GFM2: variants seen among roughly 807,000 people sequenced by gnomAD.
GFM2 encodes the protein GTP dependent ribosome recycling factor mitochondrial 2, also known as ribosome-releasing factor 2, mitochondrial.
Under a neutral mutation model 95.4 loss-of-function variants are expected in GFM2, and 72 were observed. The ratio of observed to expected loss-of-function variants is 0.76; its 90% CI spans 0.62 to 0.92. GFM2 has a LOEUF of 0.92. Ranked by LOEUF, GFM2 falls within the 40% of genes least tolerant of loss-of-function variation. GFM2 has a pLI of 0.00. For synonymous variants in GFM2, 276 were observed against 317.5 expected (o/e 0.87, Z 1.39); for missense variants, 825 against 924.1 (o/e 0.89, Z 1.39).
At chr5:74,734,273 TTAG>T (rs544309864) in intron 15 of GFM2, among the ~76,000 whole-genome samples, 10 of 152,078 alleles carry the variant, frequency 6.6e-5, no homozygotes, top group Non-Finnish European at 1.5e-4. Flanking sequence ...ATTGTAAATA[TTAG>T]TAATTTTAAT....
At chr5:74,758,766 T>C (rs1744122754) in intron 5 of GFM2, 83 bp downstream of exon 5, 2 of 805,930 alleles carry the variant, frequency 2.5e-6, no homozygotes, top group East Asian at 2.5e-5. Flanking sequence ...ATTCAAGGTG[T>C]GTAAGTTGAC....
intron 5 of GFM2, among the ~76,000 whole-genome samples, chr5:74,753,017 C>A (rs549153385): frequency 6.6e-6 from 1 of 152,164 alleles, no homozygotes; most frequent in Admixed American, 6.5e-5. Context: ...TCCCCCCCAC[C>A]AAAAATCACA....
chr5:74,737,512 C>T (rs921881311), intron 14 of GFM2, among the ~76,000 whole-genome samples: 9 of 152,120 alleles, frequency 5.9e-5, no homozygotes, highest in Non-Finnish European at 1.3e-4. Flanking sequence ...TCTGTAAAAA[C>T]AATCCTACTG....
Position 74,738,536 on chromosome 5 carries a change from G to A in GFM2, c.1186C>T (p.Gln396Ter). The change falls in exon 13 of 21, where the codon CAG becomes TAG. Residue 396 changes from glutamine (Q) to a stop codon, truncating the protein, a stop_gained. Coordinates refer to ENST00000296805, the MANE Select transcript of GFM2 (RefSeq NM_032380.5). LOFTEE classifies it high-confidence loss of function. Reference sequence around the variant, plus strand: ...CCATTAATATTATGAATGGCCAACTGGGGTTTTATAGTGCCTGAGTAAATG... The same window carrying A: ...CCATTAATATTATGAATGGCCAACTAGGGTTTTATAGTGCCTGAGTAAATG... The part of the protein sequence containing the change: ...MRIYSGTIKP[Q>*]LAIHNINGNC... 2 of 1,613,420 alleles carry A rather than the reference G, an allele frequency of 1.2e-6. No homozygotes were observed. Among genetic ancestry groups the A allele is most frequent in the Non-Finnish European group, 1.7e-6 (2 of 1,179,668 alleles).
intron 5 of GFM2, among the ~76,000 whole-genome samples, chr5:74,752,734 C>T (rs1450489246): frequency 6.6e-6 from 1 of 152,148 alleles, no homozygotes; most frequent in Non-Finnish European, 1.5e-5. Flanking sequence ...AGTTCTACAA[C>T]AACCTGGATA....
At chr5:74,738,458 A>G in intron 13 of GFM2, 41 bp from the exon 14 acceptor site, 1 of 1,610,648 alleles carries the variant, frequency 6.2e-7, no homozygotes, top group Admixed American at 1.7e-5. Flanking sequence ...GTATTTTTAA[A>G]GAAGTGCATA....
chr5:74,722,444 G>C lies in GFM2; in HGVS notation c.2146C>G (p.Gln716Glu), dbSNP rs763774517. The C allele has an allele frequency of 5.8e-5, 93 of 1,613,908 alleles. No homozygotes were observed. Among genetic ancestry groups the C allele is most frequent in the Non-Finnish European group, 7.0e-5 (83 of 1,179,950 alleles). Reference sequence around the variant, plus strand: ...TTGTCCTGGCGAGTCTGAATTTCCTGAATGTTTCCTCTTCTTTGTGCCAGA... The same window carrying C: ...TTGTCCTGGCGAGTCTGAATTTCCTCAATGTTTCCTCTTCTTTGTGCCAGA... ...ADLAQRRGNI[Q>E]EIQTRQDNKV... is the part of the protein sequence containing the mutation. The change falls in exon 20 of 21, where the codon CAG becomes GAG. Residue 716 changes from glutamine (Q) to glutamate (E), a missense_variant. Gln to Glu is a conservative substitution (Grantham distance 29). Transcript: ENST00000296805.
chr5:74,749,848 T>A (rs1235800941), intron 7 of GFM2, among the ~76,000 whole-genome samples: 2 of 152,208 alleles, frequency 1.3e-5, no homozygotes, highest in African/African-American at 4.8e-5. Context: ...ATGCTTCTTA[T>A]GTCCTCTAAG....
chr5:74,736,576 A>C (rs1443281327), intron 15 of GFM2: 2 of 1,393,906 alleles, frequency 1.4e-6, no homozygotes, highest in Non-Finnish European at 1.9e-6. Flanking sequence ...GGAAGAATAT[A>C]ATATGAGAAG....
chr5:74,746,201 G>A, intron 8 of GFM2, 36 bp from the exon 9 acceptor site: 2 of 1,204,624 alleles, frequency 1.7e-6, no homozygotes, highest in South Asian at 2.2e-5. Flanking sequence ...TAAAAACATG[G>A]TTAAAAATTC....
chr5:74,726,022 A>G lies in GFM2; in HGVS notation c.1831T>C (p.Tyr611His). The change falls in exon 18 of 21, where the codon TAT becomes CAT. Residue 611 changes from tyrosine to histidine, a missense_variant. Tyr to His is a moderately conservative substitution (Grantham distance 83). Coordinates refer to ENST00000296805, the MANE Select transcript of GFM2 (RefSeq NM_032380.5). ...SSVMPVIEFEYAESINEGLLK... is the reference protein window; with the variant it reads ...SSVMPVIEFEHAESINEGLLK... The stretch of plus-strand genomic sequence containing the variant: ...AGGCCTTCATTGATACTTTCAGCAT[A>G]CTCAAACTCAATCACAGGCATAACA... The G allele has an allele frequency of 1.1e-6, 1 of 924,826 alleles. No individual in the cohort carries two copies. Among genetic ancestry groups the G allele is most frequent in the Non-Finnish European group, 1.4e-6 (1 of 710,244 alleles). 57.3% of individuals were successfully genotyped at this position (924,826 alleles called of 1,614,324 possible).
rs957680 is a variant in GFM2, at chr5:74,759,384, T to A, written c.191A>T (p.Asn64Ile). The A allele has an allele frequency of 1.3e-6, 2 of 1,532,814 alleles. No individual in the cohort carries two copies. The highest frequency in any genetic ancestry group is 2.3e-5 in the East Asian group (1 of 44,308). The allele number at this position is 1,532,814 out of a possible 1,614,324, so 95.0% of individuals were successfully genotyped here. The change falls in exon 4 of 21, where the codon AAT becomes ATT. Residue 64 changes from asparagine to isoleucine, a missense_variant. Coordinates refer to ENST00000296805, the MANE Select transcript of GFM2 (RefSeq NM_032380.5). ...NDIKSLHSIINPPIAKIRNIG... is the reference protein window; with the variant it reads ...NDIKSLHSIIIPPIAKIRNIG... The stretch of plus-strand genomic sequence containing the variant: ...TAGTACTTACTTAGCTATGGGAGGA[T>A]TGATGATGGAATGAAGGGATTTGAT...
At position 74,756,808 on chromosome 5, in the gene GFM2, AG is replaced by A. The variant is rs369709831; in HGVS notation, c.304+2040del. Reference sequence around the variant, plus strand: ...AATTGGAGGCCAGGATTCTAAGTGTAGTAACTCAGGAATGGAAAACTGACAT... The same window carrying A: ...AATTGGAGGCCAGGATTCTAAGTGTATAACTCAGGAATGGAAAACTGACAT... On this transcript the variant is annotated intron_variant, in intron 5 of 20. Transcript: ENST00000296805. Among the ~76,000 whole-genome samples, 905 of 152,320 alleles carry A rather than the reference AG, an allele frequency of 5.9e-3. 10 individuals carry two copies. Among genetic ancestry groups the A allele is most frequent in the African/African-American group, 0.021 (872 of 41,568 alleles).
chr5:74,759,733 T>A (rs901703126), intron 3 of GFM2, among the ~76,000 whole-genome samples: 1 of 152,116 alleles, frequency 6.6e-6, no homozygotes, highest in Non-Finnish European at 1.5e-5. Context: ...AGAACTAGAA[T>A]AAATGCTCAT....
At chr5:74,746,459 G>C (rs551805271) in intron 8 of GFM2, among the ~76,000 whole-genome samples, 8 of 152,148 alleles carry the variant, frequency 5.3e-5, no homozygotes, top group Non-Finnish European at 1.2e-4. Context: ...TAAATGAATT[G>C]ATCAAGGTAA....
At chr5:74,755,547 T>C (rs1256179507) in intron 5 of GFM2, among the ~76,000 whole-genome samples, 1 of 152,102 alleles carries the variant, frequency 6.6e-6, no homozygotes, top group Non-Finnish European at 1.5e-5. Context: ...GGAGATACTA[T>C]AACTGATACC....
intron 10 of GFM2, among the ~76,000 whole-genome samples, chr5:74,744,194 T>C (rs1743262630): frequency 9.3e-6 from 1 of 107,932 alleles, no homozygotes; most frequent in Admixed American, 8.6e-5. Flanking sequence ...CCATACAGCA[T>C]GTTACTGTAC....
Position 74,745,701 on chromosome 5 carries a change from C to T in GFM2, c.826G>A (p.Ala276Thr), listed in dbSNP as rs543218479. ...ACTTGTTCAATTAAGGCATTCCTTG[C>T]TTCAGTTGTTTCCTTCAGCAATTCA... ...DPELLKETTE[A>T]RNALIEQVAD... is the part of the protein sequence containing the mutation. The change falls in exon 10 of 21, where the codon GCA (alanine) becomes ACA (threonine). Residue 276 changes from alanine (A) to threonine (T), a missense_variant. Ala to Thr is a moderately conservative substitution (Grantham distance 58, BLOSUM62 0). Coordinates refer to ENST00000296805, the MANE Select transcript of GFM2 (RefSeq NM_032380.5). The T allele has an allele frequency of 1.2e-6, 2 of 1,612,790 alleles. No individual in the cohort carries two copies. Among genetic ancestry groups the T allele is most frequent in the East Asian group, 2.2e-5 (1 of 44,822 alleles).
chr5:74,727,815 T>C (rs72764643), intron 17 of GFM2, among the ~76,000 whole-genome samples: 24,462 of 152,202 alleles, frequency 0.16, 2,381 homozygotes, highest in African/African-American at 0.27. Flanking sequence ...TTTCAATACA[T>C]GTATACATCG....
Sources: allele counts gnomAD v4.1 joint callset (sites outside exome capture counted in the v4.1 genomes callset), GRCh38; gene constraint gnomAD v4.1.1; transcripts MANE v1.5; gene names NCBI Gene and HGNC (gene_info 2026-07-23, HGNC 2026-07-21).